CRHR2: variants seen among roughly 807,000 people sequenced by gnomAD.
CRHR2 encodes corticotropin releasing hormone receptor 2.
CRHR2 carries 53 observed loss-of-function variants against 57.9 expected under a neutral mutation model. That is an observed-to-expected ratio of 0.92 (90% CI 0.73 to 1.15). CRHR2 has a LOEUF of 1.15. Ranked by LOEUF, CRHR2 falls within the 50% of genes most tolerant of loss-of-function variation. The pLI is 0.00. For missense variants in CRHR2, 532 were observed against 542.6 expected (o/e 0.98, Z 0.19); for synonymous variants, 213 against 220.9 (o/e 0.96, Z 0.32).
At chr7:30,690,430 G>A (rs1784937941) in intron 1 of CRHR2, among the ~76,000 whole-genome samples, 1 of 152,092 alleles carries the variant, frequency 6.6e-6, no homozygotes, top group African/African-American at 2.4e-5. Context: ...GCGTGTGTGT[G>A]TGTGAGTACA....
At chr7:30,655,795 G>A in intron 9 of CRHR2, 80 bp from the exon 10 acceptor site, 2 of 1,590,816 alleles carry the variant, frequency 1.3e-6, no homozygotes, top group Non-Finnish European at 1.7e-6. Context: ...AGACAGTGGT[G>A]GTGTTTCTTC....
At chr7:30,671,172 T>C (rs1383312508) in intron 2 of CRHR2, among the ~76,000 whole-genome samples, 1 of 152,190 alleles carries the variant, frequency 6.6e-6, no homozygotes, top group Non-Finnish European at 1.5e-5. Context: ...AATATTACAG[T>C]AAATTGATTC....
intron 2 of CRHR2, among the ~76,000 whole-genome samples, chr7:30,679,469 G>T (rs1784625826): frequency 6.6e-6 from 1 of 152,194 alleles, no homozygotes; most frequent in Non-Finnish European, 1.5e-5. Flanking sequence ...TGGGATTATG[G>T]ATGCCTGAGA....
intron 2 of CRHR2, among the ~76,000 whole-genome samples, chr7:30,677,374 G>A (rs1784550824): frequency 6.6e-6 from 1 of 152,098 alleles, no homozygotes; most frequent in South Asian, 2.1e-4. Context: ...AATGGGGAGA[G>A]GTGGGAGGAA....
At chr7:30,672,718 A>T (rs958502973) in intron 2 of CRHR2, among the ~76,000 whole-genome samples, 3 of 152,248 alleles carry the variant, frequency 2.0e-5, no homozygotes, top group Non-Finnish European at 4.4e-5. Context: ...AGTCTCAAAC[A>T]GCAAACCTGT....
chr7:30,667,336 A>G (rs1396591311), intron 2 of CRHR2, 23 bp from the exon 3 acceptor site: 15 of 1,610,398 alleles, frequency 9.3e-6, no homozygotes, highest in Non-Finnish European at 1.3e-5. Flanking sequence ...CCAACTGCCA[A>G]GAGTCAGGTC....
intron 2 of CRHR2, chr7:30,688,788 C>G: frequency 2.2e-6 from 1 of 457,924 alleles, no homozygotes; most frequent in Non-Finnish European, 4.4e-6. Flanking sequence ...AACTCAGGGC[C>G]GGGCTGCTGC....
At chr7:30,686,394 CA>C (rs1784858303), upstream of CRHR2, 1 of 1,532,170 alleles carries the variant, frequency 6.5e-7, no homozygotes, top group African/African-American at 1.4e-5. Context: ...GATACCTTGG[CA>C]GAAGAGCTGA....
intron 8 of CRHR2, among the ~76,000 whole-genome samples, chr7:30,657,332 C>T (rs961289222): frequency 1.3e-5 from 2 of 152,126 alleles, no homozygotes; most frequent in African/African-American, 4.8e-5. Context: ...CTACTGCTCT[C>T]TTACCACATA....
At chr7:30,686,675 A>G, upstream of CRHR2, 1 of 621,762 alleles carries the variant, frequency 1.6e-6, no homozygotes, top group Non-Finnish European at 2.8e-6. Flanking sequence ...TCATCTATGG[A>G]TAGGATAAAT....
At chr7:30,691,334 G>T (rs889901297) in intron 1 of CRHR2, among the ~76,000 whole-genome samples, 2 of 152,204 alleles carry the variant, frequency 1.3e-5, no homozygotes, top group African/African-American at 4.8e-5. Flanking sequence ...TCCACGGTGC[G>T]CCCTTAGGCA....
At chr7:30,658,434 G>A (rs1783871121) in intron 8 of CRHR2, among the ~76,000 whole-genome samples, 1 of 152,148 alleles carries the variant, frequency 6.6e-6, no homozygotes, top group Non-Finnish European at 1.5e-5. Context: ...CTAGCTGGGG[G>A]CCTGGAGGGG....
chr7:30,694,185 G>A (rs563774131), intron 1 of CRHR2, among the ~76,000 whole-genome samples: 2 of 152,178 alleles, frequency 1.3e-5, no homozygotes, highest in Non-Finnish European at 2.9e-5. Flanking sequence ...CCCTAATCCC[G>A]GGAGACCAGG....
intron 2 of CRHR2, among the ~76,000 whole-genome samples, chr7:30,678,118 G>C (rs984832695): frequency 6.6e-6 from 1 of 152,174 alleles, no homozygotes; most frequent in Admixed American, 6.5e-5. Flanking sequence ...CTGTGTTCTT[G>C]GCTTGGGGCC....
At chr7:30,655,119 C>T (rs1405265873) in intron 10 of CRHR2, 39 bp from the exon 11 acceptor site, 1 of 1,605,788 alleles carries the variant, frequency 6.2e-7, no homozygotes, top group Non-Finnish European at 8.5e-7. Context: ...CAGTGACCTA[C>T]CTGCGGAGCT....
In CRHR2 at chr7:30,665,432, G is replaced by C; in HGVS notation, c.425+98C>G. 1 of 1,116,932 alleles carries C rather than the reference G, an allele frequency of 9.0e-7. No individual in the cohort carries two copies. The highest frequency in any genetic ancestry group is 2.2e-5 in the Admixed American group (1 of 46,032). 69.2% of individuals were successfully genotyped at this position (1,116,932 alleles called of 1,614,324 possible). A position where few individuals can be genotyped will look rare whatever the true frequency, so the allele number is the denominator to read the frequency against. Reference sequence around the variant, plus strand: ...ACTTTCTCCACGGGCCCTTTTATCTGCTGGGCCCCAGAATGGAGGTGAGAA... The same window carrying C: ...ACTTTCTCCACGGGCCCTTTTATCTCCTGGGCCCCAGAATGGAGGTGAGAA... On this transcript the variant is annotated intron_variant, in intron 4 of 11. Transcript: ENST00000471646. This position sits in a 1 kb window ranked among gnomAD's most constrained non-coding sequence, Gnocchi z 4.5.
intron 2 of CRHR2, among the ~76,000 whole-genome samples, chr7:30,668,755 G>A (rs1021709828): frequency 6.6e-6 from 1 of 152,122 alleles, no homozygotes; most frequent in African/African-American, 2.4e-5. Flanking sequence ...ACCCAGGGAC[G>A]TGACTGGCCT....
rs866153750 is a variant in CRHR2 at position 30,693,687 on chromosome 7, C to T, written c.-260-4403G>A. Reference sequence around the variant, plus strand: ...TGGGAGAATGAGAAGCCCTGTCTTGCGACTGGCATCTGAATTGGGGGCAGT... The same window carrying T: ...TGGGAGAATGAGAAGCCCTGTCTTGTGACTGGCATCTGAATTGGGGGCAGT... On this transcript the variant is annotated intron_variant, in intron 1 of 13. Transcript: ENST00000341843. 8.5e-5 allele frequency among the ~76,000 whole-genome samples: 13 copies of T among 152,318 alleles called. No homozygotes were observed. In the Middle Eastern group the frequency reaches 0.01, roughly 120 times the overall value.
At chr7:30,655,739 G>A (rs1406823913) in intron 9 of CRHR2, 24 bp from the exon 10 acceptor site, 3 of 1,609,060 alleles carry the variant, frequency 1.9e-6, no homozygotes, top group Non-Finnish European at 2.5e-6. Flanking sequence ...GTGGACACAG[G>A]TCTGAGCCCA....
Sources: allele counts gnomAD v4.1 joint callset (sites outside exome capture counted in the v4.1 genomes callset), GRCh38; gene constraint gnomAD v4.1.1; non-coding constraint Gnocchi (gnomAD v3.1); transcripts MANE v1.5; gene names NCBI Gene and HGNC (gene_info 2026-07-23, HGNC 2026-07-21).